OPA1: variants seen among roughly 807,000 people sequenced by gnomAD.
OPA1 encodes the protein OPA1 mitochondrial dynamin like GTPase, also known as dynamin-like GTPase OPA1, mitochondrial.
Under a neutral mutation model 152.9 loss-of-function variants are expected in OPA1, and 59 were observed. That is an observed-to-expected ratio of 0.39 (90% CI 0.31 to 0.48). OPA1 has a LOEUF of 0.48. OPA1 is among the 20% of genes least tolerant of loss of function. The probability of loss-of-function intolerance (pLI) is 0.96; values close to 1 mark genes in which losing one functional copy is unlikely to be tolerated. For synonymous variants in OPA1, 400 were observed against 389.9 expected (o/e 1.03, Z -0.31); for missense variants, 1,008 against 1,216.8 (o/e 0.83, Z 2.55).
At chr3:193,603,904 A>G (rs1726835076) in intron 1 of OPA1, among the ~76,000 whole-genome samples, 1 of 152,086 alleles carries the variant, frequency 6.6e-6, no homozygotes, top group Admixed American at 6.5e-5. Flanking sequence ...GGTCTTCACC[A>G]TCATCAGGCA....
At chr3:193,622,226 CTTTTTTTT>C (rs758993120) in intron 6 of OPA1, among the ~76,000 whole-genome samples, 2 of 107,916 alleles carry the variant, frequency 1.9e-5, no homozygotes, top group African/African-American at 3.8e-5. Context: ...TACTCTCATT[CTTTTTTTT>C]TTTTTTTTTT....
At chr3:193,635,371 A>T (rs373619406) in intron 8 of OPA1, 47 bp from the exon 9 acceptor site, 6 of 1,126,974 alleles carry the variant, frequency 5.3e-6, no homozygotes, top group Non-Finnish European at 8.1e-6. Context: ...ATACTATTTG[A>T]TAACCCATCT....
At chr3:193,638,105 G>A (rs1733215868) in intron 11 of OPA1, 40 bp downstream of exon 11, 2 of 1,395,442 alleles carry the variant, frequency 1.4e-6, no homozygotes, top group Non-Finnish European at 2.0e-6. Context: ...CCTTAGGAGA[G>A]TAACTGCTTC....
intron 25 of OPA1, among the ~76,000 whole-genome samples, chr3:193,659,852 A>C (rs1714800190): frequency 6.6e-6 from 1 of 152,142 alleles, no homozygotes; most frequent in Admixed American, 6.5e-5. Context: ...AGGAAGATTA[A>C]AGTTATGAAC....
At chr3:193,649,099 T>C (rs1011902198) in intron 21 of OPA1, among the ~76,000 whole-genome samples, 7 of 152,138 alleles carry the variant, frequency 4.6e-5, no homozygotes, top group Non-Finnish European at 8.8e-5. Context: ...CTTTATCTTA[T>C]ACCTAATAAA....
intron 25 of OPA1, among the ~76,000 whole-genome samples, chr3:193,659,901 T>C (rs1305888419): frequency 6.6e-6 from 1 of 152,032 alleles, no homozygotes; most frequent in Non-Finnish European, 1.5e-5. Context: ...ATCACAACCC[T>C]TTGGGAGGCC....
At chr3:193,634,032 C>T (rs1032922351) in intron 8 of OPA1, among the ~76,000 whole-genome samples, 3 of 152,046 alleles carry the variant, frequency 2.0e-5, no homozygotes, top group African/African-American at 7.2e-5. Context: ...AAGGATAGAA[C>T]CATGATTTCC....
intron 10 of OPA1, 113 bp downstream of exon 10, chr3:193,637,394 G>A (rs903724754): frequency 1.8e-6 from 1 of 567,634 alleles, no homozygotes; most frequent in Non-Finnish European, 3.2e-6. Context: ...ACTAGATGTA[G>A]GCATTTATAT....
At chr3:193,688,705 TG>T (rs1721280412) in intron 29 of OPA1, among the ~76,000 whole-genome samples, 1 of 151,946 alleles carries the variant, frequency 6.6e-6, no homozygotes, top group Non-Finnish European at 1.5e-5. Context: ...GCAGACTGGG[TG>T]TAGTAGCTCA....
chr3:193,669,530 T>G (rs1299068295), intron 29 of OPA1, among the ~76,000 whole-genome samples: 1 of 152,226 alleles, frequency 6.6e-6, no homozygotes, highest in Non-Finnish European at 1.5e-5. Flanking sequence ...TAGTGGTTAT[T>G]TCTCAGGATT....
At chr3:193,662,798 A>C (rs1715611658) in intron 25 of OPA1, 24 bp from the exon 26 acceptor site, 2 of 1,607,172 alleles carry the variant, frequency 1.2e-6, no homozygotes, top group Non-Finnish European at 1.7e-6. Context: ...ATCTAAACAC[A>C]GTCCTTTTTT....
rs1251411053 is a variant in OPA1 at position 193,635,478 on chromosome 3, G to C, written c.904G>C (p.Val302Leu). The stretch of plus-strand genomic sequence containing the variant: ...GGAGAACAAAGAATTGAGAAAATTA[G>C]TATTGCAGAAAGATGACAAAGGCAT... ...EKENKELRKL[V>L]LQKDDKGIHH... Residue 302 changes from valine to leucine, a missense_variant, in exon 9 of 31, where the codon GTA becomes CTA. Transcript: ENST00000361510. The C allele has an allele frequency of 6.2e-7, 1 of 1,609,350 alleles. No homozygotes were observed. The highest frequency in any genetic ancestry group is 2.2e-5 in the East Asian group (1 of 44,658).
intron 29 of OPA1, among the ~76,000 whole-genome samples, chr3:193,680,363 G>A (rs796549311): frequency 1.4e-4 from 22 of 152,274 alleles, no homozygotes; most frequent in African/African-American, 3.8e-4. Context: ...GAGGAACAGC[G>A]TTTGTCTTTG....
At chr3:193,594,471 T>G (rs1351342202) in intron 1 of OPA1, among the ~76,000 whole-genome samples, 2 of 152,216 alleles carry the variant, frequency 1.3e-5, no homozygotes, top group African/African-American at 4.8e-5. Context: ...CACTGCAACC[T>G]CCGCCTCCCA....
At chr3:193,661,200 G>A (rs1395892223) in intron 25 of OPA1, among the ~76,000 whole-genome samples, 1 of 152,190 alleles carries the variant, frequency 6.6e-6, no homozygotes, top group Non-Finnish European at 1.5e-5. Context: ...GCCTAGAAGA[G>A]GAATCTGGAA....
rs537320794 is a variant in OPA1, at chr3:193,646,760, A to C, written c.1755-305A>C. On this transcript the variant is annotated intron_variant, in intron 18 of 30. Coordinates refer to ENST00000361510, the MANE Select transcript of OPA1 (RefSeq NM_130837.3). ...TGCACTCCAGCCCGGACGACAGTGC[A>C]AGATTCCAATTCAAAAAAATAATAA... is the stretch of plus-strand genomic sequence containing the variant. Among the ~76,000 whole-genome samples, 25 of 152,304 alleles carry C rather than the reference A, an allele frequency of 1.6e-4. No individual in the cohort carries two copies. In the South Asian group the frequency reaches 4.1e-3, roughly 25 times the overall value.
intron 7 of OPA1, among the ~76,000 whole-genome samples, chr3:193,628,011 A>G (rs1577200461): frequency 1.3e-5 from 2 of 152,036 alleles, no homozygotes; most frequent in South Asian, 2.1e-4. Flanking sequence ...CCCTCTTACT[A>G]TCCCGAAAGA....
chr3:193,668,628 T>A (rs1268951839), intron 29 of OPA1: 1 of 1,527,732 alleles, frequency 6.5e-7, no homozygotes, highest in Non-Finnish European at 8.8e-7. Flanking sequence ...CAGGCCACCC[T>A]CCTGCACAGA....
At chr3:193,661,405 C>T (rs192839399) in intron 25 of OPA1, among the ~76,000 whole-genome samples, 37 of 152,280 alleles carry the variant, frequency 2.4e-4, no homozygotes, top group Admixed American at 3.9e-4. Context: ...GAGTCAAGCT[C>T]TCCTTCTCTA....
Sources: allele counts gnomAD v4.1 joint callset (sites outside exome capture counted in the v4.1 genomes callset), GRCh38; gene constraint gnomAD v4.1.1; transcripts MANE v1.5; gene names NCBI Gene and HGNC (gene_info 2026-07-23, HGNC 2026-07-21).